Variants in HOOK1 observed in about 807,000 individuals in gnomAD.
The protein encoded by HOOK1 is protein Hook homolog 1.
Under a neutral mutation model 112.8 loss-of-function variants are expected in HOOK1, and 60 were observed. That is an observed-to-expected ratio of 0.53 (90% confidence interval 0.43 to 0.66). The LOEUF is 0.66. HOOK1 is among the 30% of genes least tolerant of loss of function. The pLI, the probability that HOOK1 is intolerant of heterozygous loss-of-function variation, is 0.00. For missense variants in HOOK1, 770 were observed against 856.0 expected (o/e 0.90, Z 1.25); for synonymous variants, 294 against 283.8 (o/e 1.04, Z -0.36).
intron 19 of HOOK1, 44 bp downstream of exon 19, chr1:59,866,016 T>G: frequency 9.4e-7 from 1 of 1,061,094 alleles, no homozygotes; most frequent in East Asian, 2.5e-5. Context: ...GTGGCCTGTG[T>G]TTTAGCAAGG....
At chr1:59,854,847 A>T (rs961136022) in intron 12 of HOOK1, among the ~76,000 whole-genome samples, 3 of 152,202 alleles carry the variant, frequency 2.0e-5, no homozygotes, top group African/African-American at 7.2e-5. Flanking sequence ...GTTGGAAAAA[A>T]TTTGATTTCC....
intron 19 of HOOK1, among the ~76,000 whole-genome samples, chr1:59,867,073 A>ATT (rs1022380384): frequency 2.6e-5 from 4 of 152,222 alleles, no homozygotes; most frequent in African/African-American, 9.6e-5. Flanking sequence ...CCATTGATTA[A>ATT]TATCATTTAA....
At chr1:59,823,293 C>G (rs963424122) in intron 2 of HOOK1, among the ~76,000 whole-genome samples, 12 of 152,194 alleles carry the variant, frequency 7.9e-5, no homozygotes, top group African/African-American at 2.7e-4. Context: ...GCACTCCAGC[C>G]TGGGTGACAG....
At chr1:59,845,202 C>A (rs1342764664) in intron 9 of HOOK1, among the ~76,000 whole-genome samples, 1 of 151,850 alleles carries the variant, frequency 6.6e-6, no homozygotes, top group East Asian at 1.9e-4. Flanking sequence ...TAACCTCTTT[C>A]ATAAGAGCAC....
At chr1:59,855,376 C>T (rs1004466202) in intron 12 of HOOK1, among the ~76,000 whole-genome samples, 9 of 152,192 alleles carry the variant, frequency 5.9e-5, no homozygotes, top group Non-Finnish European at 1.3e-4. Flanking sequence ...CTTGTGAGAA[C>T]ACGTGGTATT....
chr1:59,860,439 T>C, intron 15 of HOOK1, 111 bp downstream of exon 15: 1 of 931,970 alleles, frequency 1.1e-6, no homozygotes, highest in Non-Finnish European at 1.5e-6. Flanking sequence ...TAGAATTACC[T>C]AGAAATAGTT....
intron 8 of HOOK1, among the ~76,000 whole-genome samples, chr1:59,842,047 T>C (rs1393494447): frequency 6.6e-6 from 1 of 152,118 alleles, no homozygotes; most frequent in African/African-American, 2.4e-5. Context: ...TTGAAGCATA[T>C]GGATAGGAGC....
intron 21 of HOOK1, among the ~76,000 whole-genome samples, chr1:59,871,664 A>T (rs183956135): frequency 3.3e-4 from 51 of 152,284 alleles, no homozygotes; most frequent in Admixed American, 3.1e-3. Flanking sequence ...TATCAGTAGG[A>T]TATTTTCAAG....
chr1:59,822,597 C>T (rs1207868308), intron 2 of HOOK1, among the ~76,000 whole-genome samples: 4 of 152,274 alleles, frequency 2.6e-5, no homozygotes, highest in East Asian at 1.9e-4. Context: ...GTTAGGGTTA[C>T]GGTCTGTAAT....
At chr1:59,831,015 C>T (rs573918842) in intron 3 of HOOK1, among the ~76,000 whole-genome samples, 16 of 151,946 alleles carry the variant, frequency 1.1e-4, no homozygotes, top group African/African-American at 3.6e-4. Context: ...ATTCTTCTGC[C>T]TCAGCCTCCC....
At chr1:59,836,355 T>G (rs1475654791) in intron 6 of HOOK1, among the ~76,000 whole-genome samples, 1 of 152,180 alleles carries the variant, frequency 6.6e-6, no homozygotes, top group African/African-American at 2.4e-5. Flanking sequence ...CATACAGGAC[T>G]TTTGTAGTCT....
At chr1:59,826,447 G>T (rs1297350935) in intron 2 of HOOK1, among the ~76,000 whole-genome samples, 1 of 152,070 alleles carries the variant, frequency 6.6e-6, no homozygotes, top group African/African-American at 2.4e-5. Flanking sequence ...GTGAATTTGT[G>T]TATAAGAAAG....
At chr1:59,851,126 T>A (rs2098406942) in intron 12 of HOOK1, among the ~76,000 whole-genome samples, 1 of 151,656 alleles carries the variant, frequency 6.6e-6, no homozygotes. Context: ...TTTCAAACTT[T>A]ATTCTTCTTC....
Position 59,848,300 on chromosome 1 carries a change from T to C in HOOK1, c.930-15T>C. The C allele has an allele frequency of 6.3e-7, 1 of 1,589,808 alleles. No individual in the cohort carries two copies. On this transcript the variant is annotated splice_polypyrimidine_tract_variant and intron_variant, in intron 10 of 21. Coordinates refer to ENST00000371208, the MANE Select transcript of HOOK1 (RefSeq NM_015888.6). ...CTAGTTTTTGTACAGTAATGCTTAG[T>C]CTTTATGATTATAGGGCTACCTCTG... is the stretch of plus-strand genomic sequence containing the variant.
At chr1:59,834,395 T>C (rs887471295) in intron 5 of HOOK1, among the ~76,000 whole-genome samples, 1 of 152,198 alleles carries the variant, frequency 6.6e-6, no homozygotes, top group Admixed American at 6.5e-5. Flanking sequence ...AAATTAATTG[T>C]AGTTTATCAA....
intron 1 of HOOK1, among the ~76,000 whole-genome samples, chr1:59,818,459 G>A (rs2098383150): frequency 6.6e-6 from 1 of 152,190 alleles, no homozygotes; most frequent in African/African-American, 2.4e-5. Flanking sequence ...TAGAAATGTT[G>A]TACTGCTACT....
chr1:59,872,847 G>A lies in HOOK1; in HGVS notation c.2069G>A (p.Gly690Asp), dbSNP rs1017386303. Residue 690 changes from glycine to aspartate, a missense_variant, in exon 22 of 22, where the codon GGT becomes GAT. Coordinates refer to ENST00000371208, the MANE Select transcript of HOOK1 (RefSeq NM_015888.6). The stretch of plus-strand genomic sequence containing the variant: ...GAATCTAGACTTGTGAGCGGCGGTG[G>A]TGCCTGCAGTGACACTGGTGCGTGC... ...GMESRLVSGG[G>D]ACSDTGACTP... 2.8e-5 allele frequency: 42 copies of A among 1,488,472 alleles called. No individual in the cohort carries two copies. Among genetic ancestry groups the A allele is most frequent in the Non-Finnish European group, 3.3e-5 (36 of 1,106,372 alleles). 92.2% of individuals were successfully genotyped at this position (1,488,472 alleles called of 1,614,324 possible). A position where few individuals can be genotyped will look rare whatever the true frequency, so the allele number is the denominator to read the frequency against.
intron 12 of HOOK1, among the ~76,000 whole-genome samples, chr1:59,852,805 T>G (rs1054073762): frequency 4.6e-5 from 7 of 151,834 alleles, no homozygotes; most frequent in African/African-American, 1.7e-4. Context: ...AGGATTTATT[T>G]TGCTACATCC....
chr1:59,827,215 C>G (rs1160215988), intron 2 of HOOK1, among the ~76,000 whole-genome samples: 2 of 152,208 alleles, frequency 1.3e-5, no homozygotes, highest in African/African-American at 4.8e-5. Context: ...TGGGGGAGTT[C>G]AGCCTTTTTC....
Sources: allele counts gnomAD v4.1 joint callset (sites outside exome capture counted in the v4.1 genomes callset), GRCh38; gene constraint gnomAD v4.1.1; transcripts MANE v1.5; gene names NCBI Gene and HGNC (gene_info 2026-07-23, HGNC 2026-07-21).